Variants in SLC71A2 observed in about 807,000 individuals in gnomAD.
SLC71A2 encodes the protein solute carrier family 71 member 2.
At chr9:94,421,436 T>A in the SLC71A2 span, among the ~76,000 whole-genome samples, 1 of 152,208 alleles carries the variant, frequency 6.6e-6, no homozygotes. Context: ...ATTATATAAG[T>A]GGAATCATAC....
At chr9:94,456,095 A>G in the SLC71A2 span, 1 of 569,618 alleles carries the variant, frequency 1.8e-6, no homozygotes, top group Non-Finnish European at 3.1e-6. Context: ...AGGTTAAAAA[A>G]AAAATGCATT....
At chr9:94,388,398 C>T in the SLC71A2 span, among the ~76,000 whole-genome samples, 32 of 152,164 alleles carry the variant, frequency 2.1e-4, no homozygotes, top group Admixed American at 7.9e-4. Flanking sequence ...CTGGCAATCA[C>T]TCTTCAAGGA....
the SLC71A2 span, among the ~76,000 whole-genome samples, chr9:94,432,366 G>A: frequency 1.3e-5 from 2 of 151,088 alleles, no homozygotes; most frequent in African/African-American, 4.9e-5. Flanking sequence ...CGGTTGTGGT[G>A]GTGCATGCCT....
chr9:94,431,095 G>A, the SLC71A2 span, among the ~76,000 whole-genome samples: 1 of 152,092 alleles, frequency 6.6e-6, no homozygotes, highest in East Asian at 1.9e-4. Context: ...GGCGGATCAC[G>A]AGATCAGGAG....
the SLC71A2 span, among the ~76,000 whole-genome samples, chr9:94,381,597 A>C: frequency 6.6e-6 from 1 of 152,224 alleles, no homozygotes; most frequent in African/African-American, 2.4e-5. Flanking sequence ...TCTGTGTGCC[A>C]ATCTTTGTAC....
the SLC71A2 span, among the ~76,000 whole-genome samples, chr9:94,403,791 T>C: frequency 2.0e-5 from 3 of 152,168 alleles, no homozygotes; most frequent in Non-Finnish European, 4.4e-5. Flanking sequence ...CTACCAACAG[T>C]GTGCAAGGCT....
the SLC71A2 span, among the ~76,000 whole-genome samples, chr9:94,454,382 C>A: frequency 6.6e-6 from 1 of 151,416 alleles, no homozygotes; most frequent in Non-Finnish European, 1.5e-5. Flanking sequence ...TTTTTTCTTT[C>A]CCTGAGACGG....
At chr9:94,408,966 A>G in the SLC71A2 span, among the ~76,000 whole-genome samples, 32 of 151,172 alleles carry the variant, frequency 2.1e-4, no homozygotes, top group African/African-American at 7.5e-4. Context: ...AGCTGGGACT[A>G]CAGGCATCCG....
chr9:94,425,321 C>T, the SLC71A2 span, among the ~76,000 whole-genome samples: 2 of 152,054 alleles, frequency 1.3e-5, no homozygotes, highest in Non-Finnish European at 2.9e-5. Context: ...AACAAAAAGA[C>T]AGTATGTCTG....
the SLC71A2 span, among the ~76,000 whole-genome samples, chr9:94,381,562 A>G: frequency 1.3e-5 from 2 of 152,236 alleles, no homozygotes; most frequent in African/African-American, 4.8e-5. Flanking sequence ...GTTTTTGGCT[A>G]TTACAAATAA....
At chr9:94,415,354 T>C in the SLC71A2 span, 4 of 836,456 alleles carry the variant, frequency 4.8e-6, no homozygotes, top group East Asian at 9.7e-5. Context: ...GGAGTAGCTC[T>C]TGATAGTGAT....
chr9:94,402,282 A>G, the SLC71A2 span, among the ~76,000 whole-genome samples: 3 of 152,214 alleles, frequency 2.0e-5, no homozygotes, highest in South Asian at 6.2e-4. Flanking sequence ...CTTCACATAC[A>G]GTTAAAGTAT....
the SLC71A2 span, chr9:94,440,845 T>G: frequency 2.3e-6 from 1 of 433,724 alleles, no homozygotes; most frequent in Non-Finnish European, 4.2e-6. Flanking sequence ...TTAAATTTTT[T>G]TTGATATATT....
At chr9:94,435,823 T>C in the SLC71A2 span, among the ~76,000 whole-genome samples, 1 of 151,992 alleles carries the variant, frequency 6.6e-6, no homozygotes, top group Non-Finnish European at 1.5e-5. Flanking sequence ...CCTGGCTAAT[T>C]TTGTATTTTT....
At chr9:94,455,991 T>C in the SLC71A2 span, among the ~76,000 whole-genome samples, 2 of 152,166 alleles carry the variant, frequency 1.3e-5, no homozygotes, top group East Asian at 3.9e-4. Context: ...AAGAAAAGTT[T>C]GTAAAAGAAG....
chr9:94,397,542 A>G, the SLC71A2 span, among the ~76,000 whole-genome samples: 1 of 151,986 alleles, frequency 6.6e-6, no homozygotes, highest in Non-Finnish European at 1.5e-5. Flanking sequence ...CCTAAAGTCC[A>G]TACATACTTT....
chr9:94,450,440 C>T, the SLC71A2 span, among the ~76,000 whole-genome samples: 3,216 of 150,248 alleles, frequency 0.021, 119 homozygotes, highest in African/African-American at 0.075. Flanking sequence ...AATTTAATCC[C>T]ATAATTTTTA....
chr9:94,385,498 T>C, the SLC71A2 span, among the ~76,000 whole-genome samples: 5 of 152,306 alleles, frequency 3.3e-5, no homozygotes, highest in Admixed American at 3.3e-4. Flanking sequence ...TCTTTTATGT[T>C]TTTAGCTCTT....
the SLC71A2 span, among the ~76,000 whole-genome samples, chr9:94,419,544 A>T: frequency 1.3e-5 from 2 of 151,922 alleles, no homozygotes; most frequent in African/African-American, 4.8e-5. Flanking sequence ...TGACCTCGTG[A>T]TCCGCCCACC....
Sources: gnomAD v4.1 joint callset for allele counts (sites outside exome capture counted in the v4.1 genomes callset) on GRCh38, gnomAD v4.1.1 for gene constraint, MANE v1.5 for transcripts, NCBI Gene and HGNC (gene_info 2026-07-23, HGNC 2026-07-21) for gene names.